Variants in PKN3 observed in about 807,000 individuals in gnomAD.
PKN3 encodes protein kinase N3, also known as serine/threonine-protein kinase N3.
Under a neutral mutation model 113.1 loss-of-function variants are expected in PKN3, and 91 were observed. The ratio of observed to expected loss-of-function variants is 0.80; its 90% CI spans 0.68 to 0.96. The LOEUF is 0.96. Among genes scored for constraint, PKN3 ranks in the 40% least tolerant of loss-of-function variants. PKN3 has a pLI of 0.00. For missense variants in PKN3, 1,052 were observed against 1,202.2 expected, an observed-to-expected ratio of 0.88 and a Z score of 1.85; for synonymous variants, 467 against 499.0, an observed-to-expected ratio of 0.94 and a Z score of 0.85.
In PKN3 at chr9:128,718,684, G is replaced by T. The variant is rs1862418915; in HGVS notation, c.2125+59G>T. The T allele has an allele frequency of 2.7e-6, 4 of 1,467,544 alleles. No homozygotes were observed. In the Admixed American group the frequency reaches 6.7e-5, roughly 25 times the overall value. 90.9% of individuals were successfully genotyped at this position (1,467,544 alleles called of 1,614,324 possible). On this transcript the variant is annotated intron_variant, in intron 18 of 21. Coordinates refer to ENST00000291906, the MANE Select transcript of PKN3 (RefSeq NM_013355.5). ...CCTTGTTTACCCACCCTGGCCAATA[G>T]GATGATGGGCACATGGCATGTCCCA... is the stretch of plus-strand genomic sequence containing the variant.
At chr9:128,711,336 T>A (rs1394525820) in intron 6 of PKN3, among the ~76,000 whole-genome samples, 2 of 146,048 alleles carry the variant, frequency 1.4e-5, no homozygotes, top group Non-Finnish European at 3.0e-5. Context: ...AGACAGAGTC[T>A]TGCTCTGTCG....
intron 18 of PKN3, among the ~76,000 whole-genome samples, chr9:128,719,010 C>T (rs1246211114): frequency 6.6e-6 from 1 of 151,632 alleles, no homozygotes; most frequent in Non-Finnish European, 1.5e-5. Flanking sequence ...ATTCTCTTGC[C>T]TCAGCAGCCC....
At position 128,714,259 on chromosome 9, in the gene PKN3, A is replaced by G. The variant is rs1862270849; in HGVS notation, c.1375A>G (p.Met459Val). The stretch of plus-strand genomic sequence containing the variant: ...CATGGCGGCCTGGGGGCGCCTCGTC[A>G]TGAACCTGCTGCCCCCCTGCAGCTC... ...LGMAAWGRLV[M>V]NLLPPCSSPS... is the part of the protein sequence containing the mutation. Residue 459 changes from methionine (M) to valine (V), a missense_variant, in exon 11 of 22, where the codon ATG (methionine) becomes GTG (valine). By Grantham distance (21) the Met-to-Val change is conservative. Transcript: ENST00000291906. The G allele has an allele frequency of 6.8e-6, 11 of 1,613,880 alleles. No individual in the cohort carries two copies. Among genetic ancestry groups the G allele is most frequent in the Non-Finnish European group, 9.3e-6 (11 of 1,179,912 alleles).
Position 128,716,954 on chromosome 9 carries a change from C to A in PKN3, c.1985+31C>A, listed in dbSNP as rs547074505. On this transcript the variant is annotated intron_variant, in intron 16 of 21. Transcript: ENST00000291906. ...TTCCATCCCTCCTGCCTGCCTCTTCCAGCAAACTTTGCCTGGTTCCCTACA... is the reference window on the plus strand; with the variant it reads ...TTCCATCCCTCCTGCCTGCCTCTTCAAGCAAACTTTGCCTGGTTCCCTACA... The A allele has an allele frequency of 3.9e-5, 63 of 1,601,536 alleles. 1 individual carries two copies. In the South Asian group the frequency reaches 6.5e-4, roughly 17 times the overall value.
At chr9:128,704,955 T>C (rs1589474556) in intron 1 of PKN3, among the ~76,000 whole-genome samples, 1 of 142,616 alleles carries the variant, frequency 7.0e-6, no homozygotes. Flanking sequence ...AAAAAGAAAA[T>C]GGGGGTAATG....
chr9:128,712,042 TG>T (rs1862195749), intron 6 of PKN3, among the ~76,000 whole-genome samples: 2 of 152,214 alleles, frequency 1.3e-5, no homozygotes, highest in Admixed American at 1.3e-4. Context: ...TCCGAGTAGC[TG>T]GGATTACAGG....
intron 16 of PKN3, 103 bp from the exon 17 acceptor site, chr9:128,718,222 C>T (rs766779771): frequency 8.2e-6 from 7 of 849,356 alleles, no homozygotes; most frequent in East Asian, 2.4e-5. Flanking sequence ...TGACTCTGGC[C>T]GGGACATCCG....
intron 15 of PKN3, 148 bp from the exon 16 acceptor site, chr9:128,716,599 A>T (rs76719023): frequency 0.018 from 7,713 of 438,438 alleles, 4 homozygotes; most frequent in South Asian, 0.046. Flanking sequence ...CTGTGTCTCA[A>T]AAAAAAAAAA....
rs1236843885 is a variant in PKN3 at position 128,720,368 on chromosome 9, C to T, written c.2458-26C>T. The T allele has an allele frequency of 2.5e-6, 4 of 1,612,496 alleles. No homozygotes were observed. Among genetic ancestry groups the T allele is most frequent in the African/African-American group, 2.7e-5 (2 of 74,894 alleles). ...CTCCTGGAGCTGCTGTTCCTGCCGT[C>T]TCAGGCGCCTCTCCTTTGCCCTCAG... On this transcript the variant is annotated intron_variant, in intron 21 of 21. Transcript: ENST00000291906. The surrounding 1 kb of genome is among the most constrained non-coding windows in gnomAD (Gnocchi z 5.5).
At position 128,715,430 on chromosome 9, in the gene PKN3, A is replaced by G; in HGVS notation, c.1778A>G (p.Gln593Arg). ...TACGCCATCAAAGCACTGAAGAAGC[A>G]GGAGGTGCTCAGCCGGGACGAGATA... ...KYYAIKALKK[Q>R]EVLSRDEIES... Residue 593 changes from glutamine to arginine, a missense_variant, in exon 15 of 22, where the codon CAG becomes CGG. By Grantham distance (43) the Gln-to-Arg change is conservative. Transcript: ENST00000291906. This position sits in a 1 kb window ranked among gnomAD's most constrained non-coding sequence, Gnocchi z 4.1. 6.2e-7 allele frequency: 1 copy of G among 1,613,932 alleles called. No homozygotes were observed. The highest frequency in any genetic ancestry group is 8.5e-7 in the Non-Finnish European group (1 of 1,179,960).
chr9:128,702,631 C>A lies in PKN3; in HGVS notation c.-285C>A. 1 of 400,968 alleles carries A rather than the reference C, an allele frequency of 2.5e-6. No homozygotes were observed. Among genetic ancestry groups the A allele is most frequent in the East Asian group, 4.2e-5 (1 of 23,680 alleles). 24.8% of individuals were successfully genotyped at this position (400,968 alleles called of 1,614,324 possible). A position where few individuals can be genotyped will look rare whatever the true frequency, so the allele number is the denominator to read the frequency against. ...GCGCGGTCACGCCCAGCGGGAACCG[C>A]AGGCGCCGAAGCCCGGGTACTGGGC... On this transcript the variant is annotated 5_prime_UTR_variant, in exon 1 of 22. Coordinates refer to ENST00000291906, the MANE Select transcript of PKN3 (RefSeq NM_013355.5).
chr9:128,711,091 C>T lies in PKN3; in HGVS notation c.836-1961C>T, dbSNP rs575511086. Among the ~76,000 whole-genome samples the T allele has an allele frequency of 3.9e-4, 59 of 151,864 alleles. 1 individual carries two copies. Among genetic ancestry groups the T allele is most frequent in the Non-Finnish European group, 4.3e-4 (29 of 67,938 alleles). ...CGCAATCTTGGCTCACTGCAACCTC[C>T]GCCTCCCGGGTTCAAGCAATTCTCC... On this transcript the variant is annotated intron_variant, in intron 6 of 21. Coordinates refer to ENST00000291906, the MANE Select transcript of PKN3 (RefSeq NM_013355.5).
Position 128,705,491 on chromosome 9 carries a change from G to T in PKN3, c.213G>T (p.Leu71=). 6.4e-7 allele frequency: 1 copy of T among 1,561,130 alleles called. No homozygotes were observed. Among genetic ancestry groups the T allele is most frequent in the Non-Finnish European group, 8.7e-7 (1 of 1,153,592 alleles). The part of the protein sequence containing the change: ...NRRLEQLHGE[L]RELHARILLP... ...GCCTGGAGCAGCTGCATGGCGAGCT[G>T]CGGGAGCTGCACGCCCGAATCCTGC... The change falls in exon 2 of 22, where the codon CTG becomes CTT. Residue 71 remains leucine (L), a synonymous_variant. Transcript: ENST00000291906.
At position 128,720,185 on chromosome 9, in the gene PKN3, G is replaced by T; in HGVS notation, c.2377-18G>T. On this transcript the variant is annotated intron_variant, in intron 20 of 21. Transcript: ENST00000291906. This position sits in a 1 kb window ranked among gnomAD's most constrained non-coding sequence, Gnocchi z 5.5. ...CTGGGGCTGAATGCCCTAAGTGAGC[G>T]CCTGTCCTATTGCCCAGCTCCTCCA... 1 of 1,610,816 alleles carries T rather than the reference G, an allele frequency of 6.2e-7. No homozygotes were observed. The highest frequency in any genetic ancestry group is 1.1e-5 in the South Asian group (1 of 90,824).
Position 128,702,509 on chromosome 9 carries a change from G to A in PKN3, c.-407G>A. 1 of 200,516 alleles carries A rather than the reference G, an allele frequency of 5.0e-6. No homozygotes were observed. The highest frequency in any genetic ancestry group is 9.9e-6 in the Non-Finnish European group (1 of 100,646). 12.4% of individuals were successfully genotyped at this position (200,516 alleles called of 1,614,324 possible). A position where few individuals can be genotyped will look rare whatever the true frequency, so the allele number is the denominator to read the frequency against. On this transcript the variant is annotated 5_prime_UTR_variant, in exon 1 of 22. Transcript: ENST00000291906. ...AGGGGGCGCTGTTTCCCCCATCCCT[G>A]TCCCTAACTGGCCGGCTCCCGCGGG...
Position 128,718,600 on chromosome 9 carries a change from C to T in PKN3, c.2100C>T (p.Ile700=), listed in dbSNP as rs760793169. The part of the protein sequence containing the change: ...LLLDAQGFLK[I]ADFGLCKEGI... Reference sequence around the variant, plus strand: ...TGGATGCCCAGGGATTCCTGAAGATCGCAGACTTTGGACTCTGCAAGGAAG... The same window carrying T: ...TGGATGCCCAGGGATTCCTGAAGATTGCAGACTTTGGACTCTGCAAGGAAG... The change falls in exon 18 of 22, where the codon ATC becomes ATT. Residue 700 remains isoleucine (I), a synonymous_variant. Coordinates refer to ENST00000291906, the MANE Select transcript of PKN3 (RefSeq NM_013355.5). 38 of 1,613,956 alleles carry T rather than the reference C, an allele frequency of 2.4e-5. No individual in the cohort carries two copies. The highest frequency in any genetic ancestry group is 1.6e-4 in the Middle Eastern group (1 of 6,084).
At chr9:128,706,016 C>A (rs917104271) in intron 3 of PKN3, 137 bp downstream of exon 3, 3 of 902,114 alleles carry the variant, frequency 3.3e-6, no homozygotes, top group Non-Finnish European at 3.3e-6. Flanking sequence ...CAAACCCCAG[C>A]TGGGTGAGGA....
Position 128,707,394 on chromosome 9 carries a change from C to A in PKN3, c.824C>A (p.Thr275Asn). The change falls in exon 6 of 22, where the codon ACC (threonine) becomes AAC (asparagine). Residue 275 changes from threonine (T) to asparagine (N), a missense_variant. Thr to Asn is a moderately conservative substitution (Grantham distance 65). This residue lies in a region of PKN3 where 719 missense variants were observed against 759.4 expected (regional missense o/e 0.95). Transcript: ENST00000291906. ...PQPSGTPVKPTALTGTLQVRL... is the reference protein window; with the variant it reads ...PQPSGTPVKPNALTGTLQVRL... ...CCTTCAGGGACACCTGTGAAGCCCA[C>A]CGCCCTAACAGGTAGTCAGAAGTTC... 6.2e-7 allele frequency: 1 copy of A among 1,607,672 alleles called. No individual in the cohort carries two copies. Among genetic ancestry groups the A allele is most frequent in the Non-Finnish European group, 8.5e-7 (1 of 1,176,860 alleles).
At chr9:128,712,391 G>A (rs534532999) in intron 6 of PKN3, among the ~76,000 whole-genome samples, 1 of 152,326 alleles carries the variant, frequency 6.6e-6, no homozygotes, top group Admixed American at 6.5e-5. Flanking sequence ...ACCCTCTAGT[G>A]ACGTGACACA....
Sources: allele counts gnomAD v4.1 joint callset (sites outside exome capture counted in the v4.1 genomes callset), GRCh38; gene constraint gnomAD v4.1.1; regional missense constraint gnomAD v4.1.1; non-coding constraint Gnocchi (gnomAD v3.1); transcripts MANE v1.5; gene names NCBI Gene and HGNC (gene_info 2026-07-23, HGNC 2026-07-21).